The following COL5A2 variants were observed in gnomAD, a reference collection of about 807,000 sequenced individuals.
COL5A2 encodes collagen type V alpha 2 chain.
COL5A2 carries 23 observed loss-of-function variants against 208.2 expected under a neutral mutation model. The ratio of observed to expected loss-of-function variants is 0.11; its 90% CI spans 0.08 to 0.16. The LOEUF is 0.16. COL5A2 is among the 10% of genes least tolerant of loss of function. The probability of loss-of-function intolerance (pLI) is 1.00; values close to 1 mark genes in which losing one functional copy is unlikely to be tolerated. For synonymous variants in COL5A2, 625 were observed against 628.5 expected (o/e 0.99, Z 0.08); for missense variants, 1,590 against 1,956.4 (o/e 0.81, Z 3.53).
intron 50 of COL5A2, among the ~76,000 whole-genome samples, chr2:189,040,754 C>T (rs534754738): frequency 1.3e-5 from 2 of 152,092 alleles, no homozygotes; most frequent in Non-Finnish European, 1.5e-5. Context: ...TCTAATATAT[C>T]AAGGCCCACT....
rs1335028282 is a variant in COL5A2, at chr2:189,179,537, G to A, written c.68C>T (p.Ser23Leu). ...ILIVLLGQFVSIKAQEEDEDE... is the reference protein window; with the variant it reads ...ILIVLLGQFVLIKAQEEDEDE... The stretch of plus-strand genomic sequence containing the variant: ...CTCGTCTTCTTCCTGGGCTTTTATT[G>A]AGACAAATTGCCCTAATAAAACAAT... Residue 23 changes from serine to leucine, a missense_variant, in exon 1 of 54, where the codon TCA (serine) becomes TTA (leucine). Physicochemically the swap from Ser to Leu is moderately radical, Grantham distance 145. Transcript: ENST00000374866. 9.3e-6 allele frequency: 15 copies of A among 1,611,564 alleles called. No individual in the cohort carries two copies. The highest frequency in any genetic ancestry group is 2.7e-5 in the African/African-American group (2 of 74,846).
At chr2:189,179,977 A>T, upstream of COL5A2, 1 of 451,238 alleles carries the variant, frequency 2.2e-6, no homozygotes, top group Non-Finnish European at 3.9e-6. Flanking sequence ...TTAATAACAG[A>T]AACAAACATT....
chr2:189,282,551 C>T, the COL5A2 span, among the ~76,000 whole-genome samples: 1 of 152,092 alleles, frequency 6.6e-6, no homozygotes, highest in Non-Finnish European at 1.5e-5. Context: ...TAAAACTGAT[C>T]AGAGTAAAGA....
chr2:189,156,256 C>T (rs1441529760), intron 1 of COL5A2, among the ~76,000 whole-genome samples: 3 of 152,096 alleles, frequency 2.0e-5, no homozygotes, highest in African/African-American at 7.2e-5. Flanking sequence ...AATTCAAGTT[C>T]CATGAAGCTC....
chr2:189,146,593 C>T (rs988749528), intron 1 of COL5A2, among the ~76,000 whole-genome samples: 34 of 151,812 alleles, frequency 2.2e-4, no homozygotes, highest in African/African-American at 8.0e-4. Flanking sequence ...AAAAGGAATG[C>T]CATATAAAAT....
the COL5A2 span, among the ~76,000 whole-genome samples, chr2:189,355,042 G>T: frequency 6.6e-6 from 1 of 152,132 alleles, no homozygotes; most frequent in African/African-American, 2.4e-5. Context: ...TATTTACCTA[G>T]TAGTCATTCA....
the COL5A2 span, among the ~76,000 whole-genome samples, chr2:189,376,824 T>C: frequency 5.9e-5 from 9 of 152,266 alleles, no homozygotes; most frequent in Admixed American, 2.0e-4. Flanking sequence ...CAGTTTTCCA[T>C]AAGGCCAGAC....
At chr2:189,252,609 T>G in the COL5A2 span, among the ~76,000 whole-genome samples, 3 of 151,318 alleles carry the variant, frequency 2.0e-5, no homozygotes, top group Admixed American at 2.0e-4. Flanking sequence ...CCAGGGCCTG[T>G]TGTGGGGTGG....
chr2:189,224,359 T>C (rs1227102979), intron 1 of COL5A2, among the ~76,000 whole-genome samples: 1 of 152,052 alleles, frequency 6.6e-6, no homozygotes, highest in Non-Finnish European at 1.5e-5. Flanking sequence ...TAGAACAGGA[T>C]ATAATAAAAT....
chr2:189,316,905 A>C, the COL5A2 span, among the ~76,000 whole-genome samples: 1 of 152,116 alleles, frequency 6.6e-6, no homozygotes, highest in Admixed American at 6.6e-5. Flanking sequence ...GATTGTTTGT[A>C]ACCCAAAGGA....
chr2:189,179,346 T>C (rs577028985), intron 1 of COL5A2, among the ~76,000 whole-genome samples, 162 bp downstream of exon 1: 1 of 152,122 alleles, frequency 6.6e-6, no homozygotes, highest in Non-Finnish European at 1.5e-5. Flanking sequence ...TTTACAAACA[T>C]CCCAATTGTC....
Position 189,032,889 on chromosome 2 carries a change from G to A in COL5A2, c.*1181C>T, listed in dbSNP as rs1316380768. 2 of 152,492 alleles carry A rather than the reference G, an allele frequency of 1.3e-5. No individual in the cohort carries two copies. Among genetic ancestry groups the A allele is most frequent in the Non-Finnish European group, 2.9e-5 (2 of 67,972 alleles). 9.4% of individuals were successfully genotyped at this position (152,492 alleles called of 1,614,324 possible). On this transcript the variant is annotated 3_prime_UTR_variant, in exon 54 of 54. Coordinates refer to ENST00000374866, the MANE Select transcript of COL5A2 (RefSeq NM_000393.5). ...GAAGAATTTTAGCACCATCATTAAA[G>A]GAAAAATAATAATACCTTTTTAGCC...
the COL5A2 span, among the ~76,000 whole-genome samples, chr2:189,388,791 T>C: frequency 4.6e-5 from 7 of 152,270 alleles, 1 homozygote; most frequent in Admixed American, 3.9e-4. Flanking sequence ...GATTCAGTCC[T>C]CTGCTTGGCA....
the COL5A2 span, among the ~76,000 whole-genome samples, chr2:189,353,049 C>T: frequency 6.6e-6 from 1 of 152,120 alleles, no homozygotes; most frequent in African/African-American, 2.4e-5. Context: ...ATAGGGAATC[C>T]TTTCCCCATT....
the COL5A2 span, among the ~76,000 whole-genome samples, chr2:189,437,964 T>C: frequency 9.6e-4 from 146 of 151,890 alleles, 2 homozygotes; most frequent in African/African-American, 3.2e-3. Flanking sequence ...TTCTCACTAA[T>C]GGGAAAGCTT....
chr2:189,333,564 T>C, the COL5A2 span, among the ~76,000 whole-genome samples: 196 of 152,238 alleles, frequency 1.3e-3, no homozygotes, highest in Non-Finnish European at 2.5e-3. Context: ...TATGTTGAAG[T>C]CCTAACCCCC....
At chr2:189,350,441 A>G in the COL5A2 span, among the ~76,000 whole-genome samples, 6 of 152,202 alleles carry the variant, frequency 3.9e-5, no homozygotes, top group Non-Finnish European at 5.9e-5. Context: ...GAATACAGTC[A>G]ATAACCACAC....
At chr2:189,438,930 G>A in the COL5A2 span, among the ~76,000 whole-genome samples, 1 of 151,968 alleles carries the variant, frequency 6.6e-6, no homozygotes, top group Admixed American at 6.6e-5. Context: ...TTACCTCTCT[G>A]ACCTCACCTT....
chr2:189,044,884 A>G (rs189956594), intron 47 of COL5A2, among the ~76,000 whole-genome samples: 71 of 152,292 alleles, frequency 4.7e-4, no homozygotes, highest in Middle Eastern at 3.4e-3. Context: ...TTTTTAGAAT[A>G]GCTCAGAGAG....
Sources: gnomAD v4.1 joint callset for allele counts (sites outside exome capture counted in the v4.1 genomes callset) on GRCh38, gnomAD v4.1.1 for gene constraint, MANE v1.5 for transcripts, NCBI Gene and HGNC (gene_info 2026-07-23, HGNC 2026-07-21) for gene names.